The following CCDC63 variants were observed in gnomAD, a reference collection of about 807,000 sequenced individuals.
The protein encoded by CCDC63 is coiled-coil domain-containing protein 63.
Under a neutral mutation model 63.6 loss-of-function variants are expected in CCDC63, and 54 were observed. The ratio of observed to expected loss-of-function variants is 0.85; its 90% CI spans 0.68 to 1.07. The LOEUF (loss-of-function observed/expected upper bound fraction) is 1.07, where lower values mean the gene tolerates loss of function less well. CCDC63 is among the 50% of genes least tolerant of loss of function. The probability of loss-of-function intolerance (pLI) is 0.00; values close to 1 mark genes in which losing one functional copy is unlikely to be tolerated. For synonymous variants in CCDC63, 253 were observed against 266.1 expected (o/e 0.95, Z 0.48); for missense variants, 637 against 689.6 (o/e 0.92, Z 0.86).
At chr12:110,853,033 C>A in intron 2 of CCDC63, 70 bp downstream of exon 2, 1 of 1,503,562 alleles carries the variant, frequency 6.7e-7, no homozygotes, top group Non-Finnish European at 9.3e-7. Context: ...CCACTTTACA[C>A]GTTAGCTCGT....
At chr12:110,899,325 T>C (rs1245026064) in intron 10 of CCDC63, among the ~76,000 whole-genome samples, 200 bp downstream of exon 10, 1 of 152,158 alleles carries the variant, frequency 6.6e-6, no homozygotes, top group East Asian at 1.9e-4. Flanking sequence ...TTGGTTTTGC[T>C]TTGTTTCTTT....
At chr12:110,849,699 A>G (rs1026930107) in intron 1 of CCDC63, among the ~76,000 whole-genome samples, 6 of 151,962 alleles carry the variant, frequency 3.9e-5, no homozygotes, top group African/African-American at 1.5e-4. Flanking sequence ...GGGTTTCACA[A>G]TGTTGGCCAG....
In CCDC63 at chr12:110,881,436, A is replaced by G. The variant is rs2071208435; in HGVS notation, c.853+140A>G. The G allele has an allele frequency of 3.5e-6, 3 of 867,990 alleles. No homozygotes were observed. The East Asian group carries it at 8.4e-5, about 24-fold the overall frequency. 53.8% of individuals were successfully genotyped at this position (867,990 alleles called of 1,614,324 possible). The stretch of plus-strand genomic sequence containing the variant: ...AAATAAAGATATAAGATGCCTAGTT[A>G]AGGTTGTGCATGGTGGCTCACGCCT... On this transcript the variant is annotated intron_variant, in intron 7 of 11. Transcript: ENST00000308208.
intron 4 of CCDC63, among the ~76,000 whole-genome samples, chr12:110,871,604 A>T (rs1041713120): frequency 1.4e-5 from 2 of 144,608 alleles, no homozygotes; most frequent in African/African-American, 5.2e-5. Flanking sequence ...CTGTCACCAG[A>T]GCAAGACTGG....
chr12:110,905,359 A>T (rs1317830600), intron 11 of CCDC63, among the ~76,000 whole-genome samples: 1 of 152,010 alleles, frequency 6.6e-6, no homozygotes, highest in Non-Finnish European at 1.5e-5. Flanking sequence ...CTTCTTTTCC[A>T]AGGTGGAAAC....
intron 4 of CCDC63, among the ~76,000 whole-genome samples, chr12:110,867,373 G>A (rs1360863414): frequency 2.8e-3 from 301 of 109,270 alleles, no homozygotes; most frequent in Admixed American, 3.3e-3. Flanking sequence ...CCTCCCTCCC[G>A]GACAGGGCGG....
chr12:110,871,484 C>CTCCTTCCTTCCT (rs35694724), intron 4 of CCDC63, among the ~76,000 whole-genome samples: 6 of 149,192 alleles, frequency 4.0e-5, no homozygotes, highest in South Asian at 2.1e-4. Flanking sequence ...AACCATAACA[C>CTCCTTCCTTCCT]TCCTTCCTTC....
intron 1 of CCDC63, among the ~76,000 whole-genome samples, chr12:110,850,523 C>T (rs148703880): frequency 9.1e-4 from 138 of 152,284 alleles, no homozygotes; most frequent in African/African-American, 3.2e-3. Flanking sequence ...GGGCGGATCA[C>T]CTGAGGTCAT....
chr12:110,884,395 G>C (rs994288431), intron 8 of CCDC63, 145 bp downstream of exon 8: 7 of 656,582 alleles, frequency 1.1e-5, no homozygotes, highest in Middle Eastern at 4.1e-4. Context: ...TTTTATGTTT[G>C]AGACAGGATC....
intron 3 of CCDC63, among the ~76,000 whole-genome samples, chr12:110,857,277 C>G (rs1371606125): frequency 6.6e-6 from 1 of 151,526 alleles, no homozygotes; most frequent in Non-Finnish European, 1.5e-5. Flanking sequence ...AGGCGCCCAC[C>G]ACCCCCCCCG....
chr12:110,860,214 A>G (rs2136655734), intron 4 of CCDC63, among the ~76,000 whole-genome samples: 1 of 152,322 alleles, frequency 6.6e-6, no homozygotes, highest in Non-Finnish European at 1.5e-5. Context: ...CCTTTCTTCC[A>G]ACCCTCTGAT....
chr12:110,853,628 G>A, intron 3 of CCDC63, 54 bp downstream of exon 3: 1 of 1,602,758 alleles, frequency 6.2e-7, no homozygotes, highest in South Asian at 1.1e-5. Flanking sequence ...AGTTGGGGTT[G>A]GGCTTCATGT....
At chr12:110,865,503 CAAAG>C (rs1239105488) in intron 4 of CCDC63, among the ~76,000 whole-genome samples, 22 of 126,628 alleles carry the variant, frequency 1.7e-4, no homozygotes, top group Non-Finnish European at 3.3e-4. Context: ...AAAGAAGAGA[CAAAG>C]AAAAAAGAAA....
At chr12:110,846,525 C>G (rs942948080), upstream of CCDC63, among the ~76,000 whole-genome samples, 16 of 151,954 alleles carry the variant, frequency 1.1e-4, no homozygotes, top group African/African-American at 2.2e-4. Context: ...TTTCCCCCCC[C>G]GCCCCAACAT....
At chr12:110,870,378 A>C (rs1252407503) in intron 4 of CCDC63, among the ~76,000 whole-genome samples, 1 of 152,198 alleles carries the variant, frequency 6.6e-6, no homozygotes, top group Non-Finnish European at 1.5e-5. Context: ...CACAGCACCC[A>C]GTCCTTTATT....
chr12:110,859,803 A>G (rs987340107), intron 4 of CCDC63, among the ~76,000 whole-genome samples: 1 of 152,134 alleles, frequency 6.6e-6, no homozygotes, highest in Non-Finnish European at 1.5e-5. Flanking sequence ...GCAGGACAAC[A>G]TTAATGGTCA....
intron 10 of CCDC63, among the ~76,000 whole-genome samples, chr12:110,904,170 A>G (rs903194105): frequency 6.6e-6 from 1 of 151,998 alleles, no homozygotes; most frequent in African/African-American, 2.4e-5. Flanking sequence ...AGCCAGACAC[A>G]GTGTCTATAA....
chr12:110,894,196 G>A (rs1473884286), intron 9 of CCDC63, among the ~76,000 whole-genome samples: 1 of 133,016 alleles, frequency 7.5e-6, no homozygotes, highest in Non-Finnish European at 1.6e-5. Context: ...GGAAGAAAGT[G>A]GGAGCTGCAA....
intron 4 of CCDC63, among the ~76,000 whole-genome samples, chr12:110,862,686 G>A (rs750211354): frequency 3.3e-5 from 5 of 152,200 alleles, no homozygotes; most frequent in African/African-American, 2.4e-5. Context: ...AGGTGATGGC[G>A]CAGTCTGGAG....
Sources: gnomAD v4.1 joint callset for allele counts (sites outside exome capture counted in the v4.1 genomes callset) on GRCh38, gnomAD v4.1.1 for gene constraint, MANE v1.5 for transcripts, NCBI Gene and HGNC (gene_info 2026-07-23, HGNC 2026-07-21) for gene names.